Variants in DDX4 observed in about 807,000 individuals in gnomAD.
DDX4 encodes the protein DEAD-box helicase 4.
In DDX4, 25 loss-of-function variants were observed where a neutral mutation model predicts 100.0. The observed-to-expected ratio is 0.25, with a 90% CI of 0.18 to 0.35. DDX4 has a LOEUF of 0.35. DDX4 is among the 10% of genes least tolerant of loss of function. The pLI, the probability that DDX4 is intolerant of heterozygous loss-of-function variation, is 1.00. For synonymous variants in DDX4, 259 were observed against 275.7 expected, an observed-to-expected ratio of 0.94 and a Z score of 0.60; for missense variants, 635 against 882.4, an observed-to-expected ratio of 0.72 and a Z score of 3.55.
At chr5:55,781,876 G>A in intron 9 of DDX4, 58 bp from the exon 10 acceptor site, 1 of 1,580,210 alleles carries the variant, frequency 6.3e-7, no homozygotes, top group South Asian at 1.1e-5. Flanking sequence ...AACATGGTTT[G>A]TGTGCTTGAG....
At chr5:55,809,178 T>C (rs1743954202) in intron 18 of DDX4, among the ~76,000 whole-genome samples, 1 of 152,174 alleles carries the variant, frequency 6.6e-6, no homozygotes, top group South Asian at 2.1e-4. Flanking sequence ...TGCAGTATTA[T>C]GGTGGGAGTG....
chr5:55,787,630 T>G (rs1812881), intron 14 of DDX4, among the ~76,000 whole-genome samples: 61,590 of 151,964 alleles, frequency 0.41, 13,972 homozygotes, highest in African/African-American at 0.59. Context: ...CTTTGATAGG[T>G]TAGATTAATT....
At position 55,816,670 on chromosome 5, in the gene DDX4, T is replaced by TAAA; in HGVS notation, c.*138_*140dup. ...GTCCTTGTATTCTCACTCCTACACT[T>TAAA]AAAAAAAAAATCCTTACTGACTAGT... On this transcript the variant is annotated 3_prime_UTR_variant, in exon 22 of 22. Transcript: ENST00000505374. The TAAA allele has an allele frequency of 7.7e-7, 1 of 1,298,914 alleles. No homozygotes were observed. The highest frequency in any genetic ancestry group is 1.0e-6 in the Non-Finnish European group (1 of 988,026). 80.5% of individuals were successfully genotyped at this position (1,298,914 alleles called of 1,614,324 possible).
chr5:55,739,136 C>G, intron 2 of DDX4, 104 bp downstream of exon 2: 1 of 722,390 alleles, frequency 1.4e-6, no homozygotes, highest in South Asian at 1.7e-5. Context: ...CAGTGTTTAT[C>G]TCCATGTGAT....
intron 6 of DDX4, among the ~76,000 whole-genome samples, chr5:55,764,632 A>T (rs1178534580): frequency 6.6e-6 from 1 of 152,194 alleles, no homozygotes; most frequent in Non-Finnish European, 1.5e-5. Context: ...ATCCATGGTG[A>T]TCCTGATACC....
At position 55,815,302 on chromosome 5, in the gene DDX4, T is replaced by TC; in HGVS notation, c.1987-11_1987-10insC. ...ACTTTATGTTGCATATGAAGTCAAT[T>TC]TTTTTTAAAGGCTCAACAGGATGTT... On this transcript the variant is annotated splice_polypyrimidine_tract_variant and intron_variant, in intron 20 of 21. Transcript: ENST00000505374. 1 of 1,604,936 alleles carries TC rather than the reference T, an allele frequency of 6.2e-7. No homozygotes were observed. Among genetic ancestry groups the TC allele is most frequent in the East Asian group, 2.2e-5 (1 of 44,836 alleles).
At chr5:55,770,213 T>C (rs1741169003) in intron 7 of DDX4, among the ~76,000 whole-genome samples, 1 of 152,114 alleles carries the variant, frequency 6.6e-6, no homozygotes, top group Non-Finnish European at 1.5e-5. Flanking sequence ...TGGTTTTTTT[T>C]TCCCCCCTAT....
intron 18 of DDX4, among the ~76,000 whole-genome samples, chr5:55,807,364 T>G (rs1743800126): frequency 1.3e-5 from 2 of 152,202 alleles, no homozygotes; most frequent in African/African-American, 4.8e-5. Context: ...ATCCTGTCAT[T>G]ATGATGTTGG....
intron 14 of DDX4, among the ~76,000 whole-genome samples, chr5:55,787,536 A>G (rs979213539): frequency 5.9e-5 from 9 of 152,222 alleles, no homozygotes; most frequent in African/African-American, 2.2e-4. Flanking sequence ...CAGCGATTAC[A>G]TCTATCATAT....
intron 18 of DDX4, among the ~76,000 whole-genome samples, chr5:55,812,524 ACTGCACTCCAGCAAGCCGAGATTGCG>A (rs1286920778): frequency 8.3e-6 from 1 of 120,972 alleles, no homozygotes; most frequent in Non-Finnish European, 2.0e-5. Context: ...AGATTGTGCC[ACTGCACTCCAGCAAGCCGAGATTGCG>A]CCACTGCACT....
chr5:55,807,703 G>T (rs1743832713), intron 18 of DDX4, among the ~76,000 whole-genome samples: 1 of 152,182 alleles, frequency 6.6e-6, no homozygotes, highest in Admixed American at 6.5e-5. Flanking sequence ...CTGTTAGTCT[G>T]ATGGGCTTCC....
At position 55,781,974 on chromosome 5, in the gene DDX4, T is replaced by A; in HGVS notation, c.618T>A (p.Ser206Arg). Residue 206 changes from serine to arginine, a missense_variant, in exon 10 of 22, where the codon AGT becomes AGA. Coordinates refer to ENST00000505374, the MANE Select transcript of DDX4 (RefSeq NM_024415.3). Reference protein sequence around the residue: ...DTSQSRSGSGSERGGYKGLNE... With the variant: ...DTSQSRSGSGRERGGYKGLNE... ...CTCAAAGCAGAAGTGGCAGTGGAAG[T>A]GAACGAGGTAAGTTCTTATTTTGTT... is the stretch of plus-strand genomic sequence containing the variant. The A allele has an allele frequency of 6.2e-7, 1 of 1,614,046 alleles. No homozygotes were observed. The highest frequency in any genetic ancestry group is 1.7e-5 in the Admixed American group (1 of 60,006).
intron 20 of DDX4, 34 bp downstream of exon 20, chr5:55,815,205 T>C (rs1481414728): frequency 5.6e-6 from 9 of 1,606,710 alleles, no homozygotes; most frequent in Non-Finnish European, 7.6e-6. Context: ...ATGGATAGTT[T>C]TCTTACTTTG....
Position 55,792,725 on chromosome 5 carries a change from T to C in DDX4, c.1387T>C (p.Leu463=). Residue 463 remains leucine (L), a synonymous_variant, in exon 17 of 22, where the codon TTA becomes CTA. Transcript: ENST00000505374. ...GGGTTTTGGTCCAGAAATGAAGAAG[T>C]TAATTTCTTGCCCAGGAATGCCATC... The part of the protein sequence containing the change: ...DMGFGPEMKK[L]ISCPGMPSKE... 6.2e-7 allele frequency: 1 copy of C among 1,603,260 alleles called. No individual in the cohort carries two copies. Among genetic ancestry groups the C allele is most frequent in the South Asian group, 1.1e-5 (1 of 89,782 alleles).
At chr5:55,755,416 T>C (rs1056611678) in intron 3 of DDX4, among the ~76,000 whole-genome samples, 24 of 152,208 alleles carry the variant, frequency 1.6e-4, no homozygotes, top group African/African-American at 5.8e-4. Flanking sequence ...TACTGATTTC[T>C]ATTATTTCTC....
intron 20 of DDX4, 43 bp downstream of exon 20, chr5:55,815,214 T>C: frequency 5.6e-6 from 9 of 1,604,086 alleles, no homozygotes; most frequent in Non-Finnish European, 7.7e-6. Flanking sequence ...TTTCTTACTT[T>C]GTTGTTGAAA....
In DDX4 at chr5:55,793,398, G is replaced by T. The variant is rs190269153; in HGVS notation, c.1469+591G>T. ...CCTATGGTTCAACATAAGATTTTAT[G>T]ATTTTTTTACTTTATAATGGTTTAT... On this transcript the variant is annotated intron_variant, in intron 17 of 21. Transcript: ENST00000505374. 9.9e-5 allele frequency among the ~76,000 whole-genome samples: 15 copies of T among 152,172 alleles called. No homozygotes were observed. The East Asian group carries it at 2.7e-3, about 27-fold the overall frequency.
At chr5:55,762,125 A>T (rs1364078920) in intron 4 of DDX4, among the ~76,000 whole-genome samples, 3 of 152,158 alleles carry the variant, frequency 2.0e-5, no homozygotes, top group Admixed American at 6.5e-5. Context: ...TGGTTTCAGG[A>T]GTTACACAGA....
At chr5:55,744,009 T>C (rs139631676) in intron 2 of DDX4, among the ~76,000 whole-genome samples, 1 of 151,434 alleles carries the variant, frequency 6.6e-6, no homozygotes, top group East Asian at 2.0e-4. Context: ...TATTGGATAA[T>C]TGTTCTTGTT....
Sources: allele counts gnomAD v4.1 joint callset (sites outside exome capture counted in the v4.1 genomes callset), GRCh38; gene constraint gnomAD v4.1.1; transcripts MANE v1.5; gene names NCBI Gene and HGNC (gene_info 2026-07-23, HGNC 2026-07-21).